The following PDXDC1 variants were observed in gnomAD, a reference collection of about 807,000 sequenced individuals.
The protein encoded by PDXDC1 is pyridoxal-dependent decarboxylase domain-containing protein 1.
A neutral mutation model predicts 100.1 loss-of-function variants in PDXDC1; 42 were observed. The ratio of observed to expected loss-of-function variants is 0.42; its 90% CI spans 0.33 to 0.54. The LOEUF (loss-of-function observed/expected upper bound fraction) is 0.54, where lower values mean the gene tolerates loss of function less well. Ranked by LOEUF, PDXDC1 falls within the 20% of genes least tolerant of loss-of-function variation. The probability of loss-of-function intolerance (pLI) is 0.10; values close to 1 mark genes in which losing one functional copy is unlikely to be tolerated. For synonymous variants in PDXDC1, 260 were observed against 371.7 expected (o/e 0.70, Z 3.46); for missense variants, 636 against 979.2 (o/e 0.65, Z 4.68).
At chr16:15,104,677 T>C (rs1461586550) in intron 16 of PDXDC1, 2 of 1,597,674 alleles carry the variant, frequency 1.3e-6, no homozygotes, top group Admixed American at 1.7e-5. Context: ...TGGCCCATCC[T>C]GTTTTTTAAA....
intron 16 of PDXDC1, chr16:15,125,532 T>C: frequency 1.9e-6 from 3 of 1,577,430 alleles, no homozygotes; most frequent in Non-Finnish European, 2.6e-6. Context: ...GGGCTCGAGG[T>C]TTCTCTAGGG....
intron 13 of PDXDC1, among the ~76,000 whole-genome samples, chr16:15,023,452 G>T (rs1185392884): frequency 2.0e-5 from 3 of 152,294 alleles, no homozygotes; most frequent in African/African-American, 7.2e-5. Context: ...GTGTATTTGG[G>T]GTTCAAGTCA....
chr16:15,078,935 C>T (rs1398790489), intron 16 of PDXDC1, among the ~76,000 whole-genome samples: 1 of 151,944 alleles, frequency 6.6e-6, no homozygotes, highest in Non-Finnish European at 1.5e-5. Context: ...CCTCAGCCTC[C>T]CGAGTAGCTG....
intron 4 of PDXDC1, among the ~76,000 whole-genome samples, chr16:15,003,711 A>G (rs868466295): frequency 4.9e-3 from 614 of 126,070 alleles, no homozygotes; most frequent in East Asian, 0.032. Context: ...GGCCAGGAGT[A>G]GTGGCTCATG....
At chr16:15,130,394 C>T (rs762793748) in intron 16 of PDXDC1, 45 of 1,575,426 alleles carry the variant, frequency 2.9e-5, no homozygotes, top group East Asian at 2.5e-4. Flanking sequence ...ACACCTCCAG[C>T]GCCGACAGGC....
chr16:15,144,369 T>C, the PDXDC1 span, among the ~76,000 whole-genome samples: 1 of 152,080 alleles, frequency 6.6e-6, no homozygotes, highest in East Asian at 1.9e-4. Context: ...AGGCTGCAGT[T>C]TGGGACGGTG....
intron 16 of PDXDC1, chr16:15,047,260 C>T: frequency 3.3e-6 from 2 of 600,482 alleles, no homozygotes; most frequent in South Asian, 2.0e-5. Flanking sequence ...GTGCCCAGCA[C>T]CCACTCATTC....
chr16:15,056,541 C>CG (rs1446511441), intron 16 of PDXDC1, among the ~76,000 whole-genome samples: 1 of 151,984 alleles, frequency 6.6e-6, no homozygotes, highest in Non-Finnish European at 1.5e-5. Flanking sequence ...TTTGGGGGGC[C>CG]GAGGCAGGAG....
chr16:15,035,290 G>A (rs1415090577), intron 21 of PDXDC1, among the ~76,000 whole-genome samples, 159 bp from the exon 22 acceptor site: 2 of 152,156 alleles, frequency 1.3e-5, no homozygotes, highest in Non-Finnish European at 2.9e-5. Flanking sequence ...GCTTTCTCTA[G>A]CTCACGGCAC....
chr16:15,094,390 C>G, intron 16 of PDXDC1: 1 of 664,158 alleles, frequency 1.5e-6, no homozygotes, highest in Non-Finnish European at 2.6e-6. Flanking sequence ...TAGAGCGCCG[C>G]TGAAACCCGC....
intron 16 of PDXDC1, among the ~76,000 whole-genome samples, chr16:15,092,110 T>G (rs2046155567): frequency 6.6e-6 from 1 of 151,858 alleles, no homozygotes; most frequent in Non-Finnish European, 1.5e-5. Flanking sequence ...ACCTGGGAGG[T>G]GGAGGATGCA....
At chr16:15,065,129 G>A (rs1021855349) in intron 16 of PDXDC1, 9 of 1,317,864 alleles carry the variant, frequency 6.8e-6, no homozygotes, top group Middle Eastern at 1.9e-4. Flanking sequence ...TCACACCACC[G>A]CACTCCAGCC....
At chr16:15,104,235 C>T (rs913406000) in intron 16 of PDXDC1, 5 of 1,240,884 alleles carry the variant, frequency 4.0e-6, no homozygotes, top group Admixed American at 3.0e-5. Flanking sequence ...AAAAAAACCC[C>T]TACGATTAAA....
chr16:15,144,410 G>T, the PDXDC1 span, among the ~76,000 whole-genome samples: 4 of 152,232 alleles, frequency 2.6e-5, no homozygotes, highest in African/African-American at 9.6e-5. Flanking sequence ...GCAGCCCCGG[G>T]CTGGGCAGAC....
rs138648808 is a variant in PDXDC1 at position 15,028,944 on chromosome 16, C to T, written c.1271C>T (p.Ser424Leu). 6.9e-5 allele frequency: 112 copies of T among 1,613,236 alleles called. No homozygotes were observed. The highest frequency in any genetic ancestry group is 6.9e-4 in the East Asian group (31 of 44,898). ...TCAGGAGTCGGCCGGGAGAGGCACT[C>T]GTGTGACGCGCTGAATCGCTGGGTG... is the stretch of plus-strand genomic sequence containing the variant. Reference protein sequence around the residue: ...TPSGVGRERHSCDALNRWLGE... With the variant: ...TPSGVGRERHLCDALNRWLGE... The change falls in exon 15 of 23, where the codon TCG (serine) becomes TTG (leucine). Residue 424 changes from serine to leucine, a missense_variant. Physicochemically the swap from Ser to Leu is moderately radical, Grantham distance 145. Around this residue, in one of 4 missense-constraint regions of PDXDC1, gnomAD observed 44 missense variants for 46.9 expected, o/e 0.94. Transcript: ENST00000396410.
chr16:15,110,004 A>G (rs1361903060), intron 16 of PDXDC1, among the ~76,000 whole-genome samples: 4 of 147,612 alleles, frequency 2.7e-5, no homozygotes, highest in African/African-American at 9.8e-5. Flanking sequence ...AAATACAAAA[A>G]TTAGCTGGGC....
downstream of PDXDC1, chr16:15,038,673 A>G (rs752716453): frequency 4.5e-6 from 7 of 1,567,256 alleles, no homozygotes; most frequent in South Asian, 3.4e-5. Context: ...TCTCTGCATC[A>G]TAAATGCTAA....
At chr16:15,137,353 A>G in intron 16 of PDXDC1, 1 of 1,512,996 alleles carries the variant, frequency 6.6e-7, no homozygotes, top group Non-Finnish European at 8.9e-7. Context: ...CGAAGGAGGC[A>G]CTAGAGGGCT....
intron 1 of PDXDC1, among the ~76,000 whole-genome samples, chr16:14,987,144 G>C (rs1269055647): frequency 6.6e-6 from 1 of 152,286 alleles, no homozygotes; most frequent in East Asian, 1.9e-4. Flanking sequence ...CGGCCATCTG[G>C]TTGAGACTGT....
Sources: allele counts gnomAD v4.1 joint callset (sites outside exome capture counted in the v4.1 genomes callset), GRCh38; gene constraint gnomAD v4.1.1; regional missense constraint gnomAD v4.1.1; transcripts MANE v1.5; gene names NCBI Gene and HGNC (gene_info 2026-07-23, HGNC 2026-07-21).